Variants in PRKD2 observed in about 807,000 individuals in gnomAD.
The protein encoded by PRKD2 is serine/threonine-protein kinase D2.
In PRKD2, 22 loss-of-function variants were observed where a neutral mutation model predicts 86.0. The observed-to-expected ratio is 0.26, with a 90% confidence interval of 0.18 to 0.37. PRKD2 has a LOEUF of 0.37. PRKD2 is among the 10% of genes least tolerant of loss of function. The pLI, the probability that PRKD2 is intolerant of heterozygous loss-of-function variation, is 1.00. For missense variants in PRKD2, 818 were observed against 1,199.2 expected (o/e 0.68, Z 4.70); for synonymous variants, 509 against 510.9 (o/e 1.00, Z 0.05).
chr19:46,678,493 G>A lies in PRKD2; in HGVS notation c.2241C>T (p.Gly747=), dbSNP rs2053246555. The change falls in exon 16 of 18, where the codon GGC becomes GGT. Residue 747 remains glycine (G), a synonymous_variant. Transcript: ENST00000291281. The surrounding 1 kb of genome is among the most constrained non-coding windows in gnomAD (Gnocchi z 5.7). ...CCTCATCCTCGTTGAAAGGGAAGGT[G>A]CCGCTGAGGCTGACGTACATGATCA... The part of the protein sequence containing the change: ...VGVIMYVSLS[G]TFPFNEDEDI... 4 of 1,614,234 alleles carry A rather than the reference G, an allele frequency of 2.5e-6. No homozygotes were observed. The highest frequency in any genetic ancestry group is 2.5e-6 in the Non-Finnish European group (3 of 1,180,046).
rs1212954665 is a variant in PRKD2, at chr19:46,714,210, C to T, written c.241-209G>A. 2.3e-6 allele frequency: 3 copies of T among 1,310,972 alleles called. No homozygotes were observed. The East Asian group carries it at 9.0e-5, about 39-fold the overall frequency. 81.2% of individuals were successfully genotyped at this position (1,310,972 alleles called of 1,614,324 possible). On this transcript the variant is annotated intron_variant, in intron 1 of 17. Transcript: ENST00000291281. The stretch of plus-strand genomic sequence containing the variant: ...CAATTGTACGGGGAGGGGGCGCCGG[C>T]GTGGGTTTGGTGGCTGGAAGGGGGA...
At chr19:46,689,758 T>G in intron 13 of PRKD2, 60 bp from the exon 14 acceptor site, 1 of 1,591,400 alleles carries the variant, frequency 6.3e-7, no homozygotes, top group Non-Finnish European at 8.6e-7. Context: ...CCCCAACGGG[T>G]CAGGTATAGG....
In PRKD2 at chr19:46,716,146, G is replaced by A. The variant is rs1257375068; in HGVS notation, c.225C>T (p.Ser75=). The change falls in exon 1 of 18, where the codon TCC becomes TCT. Residue 75 remains serine (S), a synonymous_variant. Coordinates refer to ENST00000291281, the MANE Select transcript of PRKD2 (RefSeq NM_016457.5). This position sits in a 1 kb window ranked among gnomAD's most constrained non-coding sequence, Gnocchi z 7.9. ...GCGCCCTCACCTTCTGGTCCACGAT[G>A]GAACAGGCCAGCTGCTTCACATGAG... ...ELAHVKQLAC[S]IVDQKFPECG... 1 of 1,610,408 alleles carries A rather than the reference G, an allele frequency of 6.2e-7. No homozygotes were observed. The highest frequency in any genetic ancestry group is 1.3e-5 in the African/African-American group (1 of 74,464).
intron 10 of PRKD2, among the ~76,000 whole-genome samples, chr19:46,692,754 C>T (rs762881006): frequency 6.6e-6 from 1 of 152,150 alleles, no homozygotes; most frequent in Non-Finnish European, 1.5e-5. Flanking sequence ...CCTCCTTGCT[C>T]GGCCTCAAAT....
intron 2 of PRKD2, among the ~76,000 whole-genome samples, chr19:46,712,248 C>A (rs1028992424): frequency 2.8e-4 from 39 of 140,698 alleles, no homozygotes; most frequent in African/African-American, 9.0e-4. Context: ...TGCCTCAAAA[C>A]AAAATAACAG....
At chr19:46,683,437 T>G (rs944870960) in intron 14 of PRKD2, among the ~76,000 whole-genome samples, 4 of 152,076 alleles carry the variant, frequency 2.6e-5, no homozygotes, top group Non-Finnish European at 5.9e-5. Flanking sequence ...TACAAAAAAC[T>G]TTGGCTGGGC....
chr19:46,702,036 T>G (rs1009684287), intron 5 of PRKD2, among the ~76,000 whole-genome samples: 31 of 132,074 alleles, frequency 2.3e-4, no homozygotes, highest in African/African-American at 9.7e-4. Flanking sequence ...ATTCTGTTTT[T>G]TGTTTTTTTT....
At chr19:46,707,728 C>T (rs2053734945) in intron 3 of PRKD2, among the ~76,000 whole-genome samples, 1 of 152,194 alleles carries the variant, frequency 6.6e-6, no homozygotes, top group Admixed American at 6.5e-5. Flanking sequence ...CACTCAGAAG[C>T]ATGAATAACA....
intron 5 of PRKD2, among the ~76,000 whole-genome samples, chr19:46,703,936 CCT>C (rs1329644753): frequency 1.6e-5 from 2 of 128,128 alleles, no homozygotes; most frequent in East Asian, 2.1e-4. Context: ...AGAGTGACAC[CCT>C]GTCTCCAAAA....
rs78267052 is a variant in PRKD2 at position 46,705,419 on chromosome 19, C to T, written c.512-770G>A. ...TAAGGTCACTATCCCTCCAGGTCTG[C>T]TCACCCCCTGTACCCCACTTTCTCT... On this transcript the variant is annotated intron_variant, in intron 3 of 17. Coordinates refer to ENST00000291281, the MANE Select transcript of PRKD2 (RefSeq NM_016457.5). 2.7e-4 allele frequency among the ~76,000 whole-genome samples: 41 copies of T among 152,060 alleles called. No individual in the cohort carries two copies. In the East Asian group the frequency reaches 7.3e-3, roughly 27 times the overall value.
At chr19:46,703,598 C>T (rs1051926101) in intron 5 of PRKD2, among the ~76,000 whole-genome samples, 4 of 151,880 alleles carry the variant, frequency 2.6e-5, no homozygotes, top group Non-Finnish European at 4.4e-5. Flanking sequence ...GGTGAAACCC[C>T]GTCTCTACTA....
intron 7 of PRKD2, among the ~76,000 whole-genome samples, chr19:46,698,484 T>C (rs2053592205): frequency 6.6e-6 from 1 of 152,210 alleles, no homozygotes; most frequent in African/African-American, 2.4e-5. Context: ...ATGGAAACCT[T>C]TCTACGGAGC....
intron 4 of PRKD2, 29 bp downstream of exon 4, chr19:46,704,466 C>A: frequency 1.2e-6 from 2 of 1,614,074 alleles, no homozygotes; most frequent in South Asian, 1.1e-5. Context: ...CCCCTAGCCA[C>A]CAACCCGTCC....
In PRKD2 at chr19:46,711,005, G is replaced by T; in HGVS notation, c.413C>A (p.Pro138Gln). The T allele has an allele frequency of 6.3e-7, 1 of 1,580,980 alleles. No individual in the cohort carries two copies. Residue 138 changes from proline (P) to glutamine (Q), a missense_variant, in exon 3 of 18, where the codon CCG becomes CAG. Physicochemically the swap from Pro to Gln is moderately conservative, Grantham distance 76. Transcript: ENST00000291281. Reference protein sequence around the residue: ...SATFEDFQIRPHALTVHSYRA... With the variant: ...SATFEDFQIRQHALTVHSYRA... ...ATAGGAGTGCACCGTGAGGGCGTGC[G>T]GGCGGATCTGGAAGTCCTCGAAGGT...
intron 1 of PRKD2, chr19:46,714,486 G>GGT (rs1417979348): frequency 6.5e-6 from 1 of 153,280 alleles, no homozygotes; most frequent in African/African-American, 2.4e-5. Flanking sequence ...GTGGGGGGGG[G>GGT]GGCCGGGGGA....
At chr19:46,697,901 C>A in intron 7 of PRKD2, 51 bp from the exon 8 acceptor site, 1 of 1,447,128 alleles carries the variant, frequency 6.9e-7, no homozygotes, top group Non-Finnish European at 9.7e-7. Flanking sequence ...AGTGACCATG[C>A]TGCTTGGGAA....
In PRKD2 at chr19:46,697,137, C is replaced by G. The variant is rs1340593655; in HGVS notation, c.1317+20G>C. The G allele has an allele frequency of 6.5e-7, 1 of 1,540,530 alleles. No individual in the cohort carries two copies. The highest frequency in any genetic ancestry group is 9.0e-7 in the Non-Finnish European group (1 of 1,113,242). The stretch of plus-strand genomic sequence containing the variant: ...GGGCACAGCGGGAAGTCCGAGGGAG[C>G]TGAAAGCCCGGAGGCTTACCTTATA... On this transcript the variant is annotated intron_variant, in intron 9 of 17. Coordinates refer to ENST00000291281, the MANE Select transcript of PRKD2 (RefSeq NM_016457.5).
intron 1 of PRKD2, among the ~76,000 whole-genome samples, chr19:46,715,605 C>T (rs1366214832): frequency 1.3e-5 from 2 of 152,146 alleles, no homozygotes; most frequent in African/African-American, 4.8e-5. Flanking sequence ...GAATAGAGTC[C>T]CCAGGGTCTG....
At chr19:46,689,470 A>G (rs1413146523) in intron 14 of PRKD2, 67 bp downstream of exon 14, 3 of 1,521,470 alleles carry the variant, frequency 2.0e-6, no homozygotes, top group East Asian at 4.8e-5. Flanking sequence ...CCCCCTAGGC[A>G]TACAGGGCCT....
Sources: gnomAD v4.1 joint callset for allele counts (sites outside exome capture counted in the v4.1 genomes callset) on GRCh38, gnomAD v4.1.1 for gene constraint, Gnocchi (gnomAD v3.1) non-coding constraint, MANE v1.5 for transcripts, NCBI Gene and HGNC (gene_info 2026-07-23, HGNC 2026-07-21) for gene names.